Variants in CEP128 observed in about 807,000 individuals in gnomAD.
CEP128 encodes the protein centrosomal protein 128kDa.
A neutral mutation model predicts 156.7 loss-of-function variants in CEP128; 132 were observed. The ratio of observed to expected loss-of-function variants is 0.84; its 90% CI spans 0.73 to 0.97. CEP128 has a LOEUF of 0.97. Among genes scored for constraint, CEP128 ranks in the 50% least tolerant of loss-of-function variants. The probability of loss-of-function intolerance (pLI) is 0.00; values close to 1 mark genes in which losing one functional copy is unlikely to be tolerated. For missense variants in CEP128, 1,252 were observed against 1,281.9 expected, an observed-to-expected ratio of 0.98 and a Z score of 0.36; for synonymous variants, 469 against 448.9, an observed-to-expected ratio of 1.04 and a Z score of -0.57.
At chr14:80,613,774 T>C (rs1268493112) in intron 19 of CEP128, among the ~76,000 whole-genome samples, 1 of 152,100 alleles carries the variant, frequency 6.6e-6, no homozygotes, top group Non-Finnish European at 1.5e-5. Context: ...TCATTATGAA[T>C]TAAGATAGCA....
chr14:80,642,546 A>T (rs1282836787), intron 19 of CEP128, among the ~76,000 whole-genome samples: 3 of 152,118 alleles, frequency 2.0e-5, no homozygotes, highest in Admixed American at 1.3e-4. Context: ...AGCCAGGCAT[A>T]GGGGTGCATG....
intron 20 of CEP128, among the ~76,000 whole-genome samples, chr14:80,579,027 C>T (rs987233177): frequency 7.2e-5 from 11 of 152,148 alleles, no homozygotes; most frequent in African/African-American, 2.7e-4. Flanking sequence ...AGAGGCAACA[C>T]AGGCTATTAA....
At chr14:80,695,246 G>A (rs1404508187) in intron 19 of CEP128, among the ~76,000 whole-genome samples, 3 of 152,124 alleles carry the variant, frequency 2.0e-5, no homozygotes, top group African/African-American at 7.2e-5. Flanking sequence ...GAGAAGATAT[G>A]TTTTGGGAAA....
chr14:80,486,634 C>T (rs1464028082), downstream of CEP128, among the ~76,000 whole-genome samples: 1 of 152,088 alleles, frequency 6.6e-6, no homozygotes, highest in Non-Finnish European at 1.5e-5. Flanking sequence ...GTTGGGTTAC[C>T]CACAAAGGGA....
chr14:80,497,805 T>G (rs1594911283), intron 24 of CEP128, among the ~76,000 whole-genome samples: 1 of 152,306 alleles, frequency 6.6e-6, no homozygotes, highest in East Asian at 1.9e-4. Flanking sequence ...ATTTGAAGAA[T>G]ACCTGAGAGT....
chr14:80,719,894 T>G (rs182172361), intron 19 of CEP128, among the ~76,000 whole-genome samples: 1 of 152,092 alleles, frequency 6.6e-6, no homozygotes, highest in Non-Finnish European at 1.5e-5. Context: ...TAGAGTCTAA[T>G]GGGAAAGATG....
At chr14:80,837,118 TG>T (rs1162629286) in intron 11 of CEP128, among the ~76,000 whole-genome samples, 1 of 152,246 alleles carries the variant, frequency 6.6e-6, no homozygotes, top group Non-Finnish European at 1.5e-5. Context: ...TCAAAGGTTT[TG>T]TAAAACAGGT....
chr14:80,790,188 A>C (rs2139831963), intron 14 of CEP128, among the ~76,000 whole-genome samples: 1 of 152,112 alleles, frequency 6.6e-6, no homozygotes, highest in East Asian at 1.9e-4. Flanking sequence ...TACATAAGCA[A>C]GCCAATTATT....
intron 23 of CEP128, among the ~76,000 whole-genome samples, chr14:80,506,812 C>T (rs1887997754): frequency 6.6e-6 from 1 of 152,096 alleles, no homozygotes; most frequent in Admixed American, 6.5e-5. Flanking sequence ...TCAGGTGGTT[C>T]AAGATCATTA....
intron 19 of CEP128, among the ~76,000 whole-genome samples, chr14:80,654,702 C>G (rs1207584122): frequency 2.0e-5 from 3 of 152,112 alleles, no homozygotes; most frequent in Non-Finnish European, 2.9e-5. Context: ...AAAACATTTT[C>G]TCTTTTCTTG....
intron 19 of CEP128, among the ~76,000 whole-genome samples, chr14:80,640,530 T>C (rs1445136774): frequency 6.6e-6 from 1 of 152,148 alleles, no homozygotes; most frequent in East Asian, 1.9e-4. Flanking sequence ...ATATCCTCAA[T>C]TTTTCTATTT....
chr14:80,554,885 A>G (rs1344284054), intron 21 of CEP128, among the ~76,000 whole-genome samples: 1 of 151,536 alleles, frequency 6.6e-6, no homozygotes, highest in African/African-American at 2.4e-5. Context: ...ATGTTGGGTG[A>G]TAAGCTCATT....
rs147001934 is a variant in CEP128 at position 80,523,517 on chromosome 14, T to C, written c.3072+3352A>G. 9.3e-3 allele frequency among the ~76,000 whole-genome samples: 1,415 copies of C among 152,304 alleles called. 26 individuals are homozygous for C. The highest frequency in any genetic ancestry group is 0.031 in the African/African-American group (1,309 of 41,560). The stretch of plus-strand genomic sequence containing the variant: ...TTATGATGCCATTCTCCTGAGCTCC[T>C]AGCACAGTGCCTTGGTTTGCATTAG... On this transcript the variant is annotated intron_variant, in intron 23 of 24. Coordinates refer to ENST00000555265, the MANE Select transcript of CEP128 (RefSeq NM_152446.5).
chr14:80,905,622 T>G (rs995173252), intron 5 of CEP128: 1 of 191,286 alleles, frequency 5.2e-6, no homozygotes, highest in African/African-American at 2.6e-5. Context: ...GAAAATCTAT[T>G]ACGCTAGGAC....
intron 21 of CEP128, among the ~76,000 whole-genome samples, chr14:80,534,007 G>A (rs1171157920): frequency 6.6e-6 from 1 of 152,168 alleles, no homozygotes; most frequent in Non-Finnish European, 1.5e-5. Context: ...ATGCACAAAT[G>A]CTGAACTAAC....
chr14:80,807,098 T>G (rs1884223616), intron 13 of CEP128, among the ~76,000 whole-genome samples: 1 of 152,066 alleles, frequency 6.6e-6, no homozygotes, highest in Admixed American at 6.6e-5. Flanking sequence ...TTTATTCAAG[T>G]AGACATGGAA....
chr14:80,790,126 A>G lies in CEP128; in HGVS notation c.1560+2634T>C, dbSNP rs534354348. On this transcript the variant is annotated intron_variant, in intron 14 of 24. Transcript: ENST00000555265. Reference sequence around the variant, plus strand: ...CAGGAAGGAAATACACAGAAGGAATAGATGGTAATTTAAGATTCTTGAAGT... The same window carrying G: ...CAGGAAGGAAATACACAGAAGGAATGGATGGTAATTTAAGATTCTTGAAGT... Among the ~76,000 whole-genome samples the G allele has an allele frequency of 4.6e-5, 7 of 152,260 alleles. No homozygotes were observed. The South Asian group carries it at 1.5e-3, about 32-fold the overall frequency.
At chr14:80,589,751 G>A (rs1009861897) in intron 19 of CEP128, among the ~76,000 whole-genome samples, 1 of 152,118 alleles carries the variant, frequency 6.6e-6, no homozygotes, top group African/African-American at 2.4e-5. Flanking sequence ...AGTTTGGTAT[G>A]TAATACCCCA....
At chr14:80,662,144 T>G (rs1156953611) in intron 19 of CEP128, among the ~76,000 whole-genome samples, 2 of 152,158 alleles carry the variant, frequency 1.3e-5, no homozygotes, top group South Asian at 2.1e-4. Flanking sequence ...GTACATTTGT[T>G]GAAACACTGA....
Sources: gnomAD v4.1 joint callset for allele counts (sites outside exome capture counted in the v4.1 genomes callset) on GRCh38, gnomAD v4.1.1 for gene constraint, MANE v1.5 for transcripts, NCBI Gene and HGNC (gene_info 2026-07-23, HGNC 2026-07-21) for gene names.